The following PPP3CB variants were observed in gnomAD, a reference collection of about 807,000 sequenced individuals.
PPP3CB encodes the protein serine/threonine-protein phosphatase 2B catalytic subunit beta isoform.
PPP3CB carries 8 observed loss-of-function variants against 66.4 expected under a neutral mutation model. That is an observed-to-expected ratio of 0.12 (90% confidence interval 0.07 to 0.22). The LOEUF is 0.22. Ranked by LOEUF, PPP3CB falls within the 10% of genes least tolerant of loss-of-function variation. The pLI is 1.00. For synonymous variants in PPP3CB, 208 were observed against 221.2 expected, an observed-to-expected ratio of 0.94 and a Z score of 0.53; for missense variants, 319 against 642.5, an observed-to-expected ratio of 0.50 and a Z score of 5.44.
In PPP3CB at chr10:73,441,101, G is replaced by A. The variant is rs76711061; in HGVS notation, c.1367-1200C>T. 8.7e-3 allele frequency among the ~76,000 whole-genome samples: 1,317 copies of A among 152,214 alleles called. 12 individuals are homozygous for A. The highest frequency in any genetic ancestry group is 0.013 in the Non-Finnish European group (872 of 68,004). On this transcript the variant is annotated intron_variant, in intron 12 of 13. Transcript: ENST00000360663. ...GCCAATTAGAATAATTATTCCTGAA[G>A]TGATCTTTTAGCAATTAACATGATT...
chr10:73,486,832 G>C (rs1422934843), intron 1 of PPP3CB, among the ~76,000 whole-genome samples: 1 of 152,150 alleles, frequency 6.6e-6, no homozygotes, highest in Non-Finnish European at 1.5e-5. Flanking sequence ...CCTCCTTTGA[G>C]ATTCATGCCT....
chr10:73,470,603 A>G (rs1589703886), intron 8 of PPP3CB, 84 bp downstream of exon 8: 1 of 791,920 alleles, frequency 1.3e-6, no homozygotes. Context: ...ATAGTTTCAA[A>G]CAACACCCCT....
chr10:73,489,934 T>C (rs1168732801), intron 1 of PPP3CB, among the ~76,000 whole-genome samples: 4 of 152,174 alleles, frequency 2.6e-5, no homozygotes, highest in African/African-American at 9.7e-5. Flanking sequence ...TCAGTGACGC[T>C]TTCCCTCAAA....
chr10:73,445,764 T>TTC (rs1554821882), intron 11 of PPP3CB, among the ~76,000 whole-genome samples: 60 of 147,958 alleles, frequency 4.1e-4, no homozygotes, highest in African/African-American at 1.5e-3. Flanking sequence ...TTTTTTTTTT[T>TTC]CTGAGACAGA....
chr10:73,489,102 C>T (rs2057032436), intron 1 of PPP3CB, among the ~76,000 whole-genome samples: 1 of 152,144 alleles, frequency 6.6e-6, no homozygotes, highest in Non-Finnish European at 1.5e-5. Context: ...ACTACAATTG[C>T]CCAATTTAAT....
chr10:73,444,609 G>GAGAC, intron 12 of PPP3CB, 116 bp downstream of exon 12: 1 of 1,556,140 alleles, frequency 6.4e-7, no homozygotes, highest in African/African-American at 1.4e-5. Flanking sequence ...GTCAGCTGCT[G>GAGAC]AGACAGGAAC....
chr10:73,481,195 C>T (rs2056871561), intron 1 of PPP3CB, among the ~76,000 whole-genome samples: 2 of 147,222 alleles, frequency 1.4e-5, no homozygotes, highest in African/African-American at 5.0e-5. Flanking sequence ...AAAAATAGGC[C>T]GGGTGCAGTG....
chr10:73,446,256 C>T (rs112190711), intron 11 of PPP3CB, among the ~76,000 whole-genome samples: 5 of 151,740 alleles, frequency 3.3e-5, no homozygotes, highest in Admixed American at 1.3e-4. Flanking sequence ...CATGCCACCA[C>T]GCCCGGCTAA....
At chr10:73,454,379 TAAA>T in intron 10 of PPP3CB, 30 bp downstream of exon 10, 2 of 1,206,094 alleles carry the variant, frequency 1.7e-6, no homozygotes. Context: ...CATTTCACAG[TAAA>T]AAAAAAAATA....
chr10:73,493,560 T>C (rs529516810), intron 1 of PPP3CB, among the ~76,000 whole-genome samples: 7 of 152,214 alleles, frequency 4.6e-5, no homozygotes, highest in Admixed American at 3.3e-4. Context: ...AATTTCTGGA[T>C]CTGTAAGAAA....
chr10:73,462,786 C>T (rs899197131), intron 9 of PPP3CB, among the ~76,000 whole-genome samples: 4 of 151,334 alleles, frequency 2.6e-5, no homozygotes, highest in African/African-American at 7.3e-5. Context: ...CCTGTCTCTG[C>T]GACAAACACA....
rs1352293467 is a variant in PPP3CB at position 73,470,952 on chromosome 10, C to T, written c.822G>A (p.Val274=). 4 of 1,613,114 alleles carry T rather than the reference C, an allele frequency of 2.5e-6. No individual in the cohort carries two copies. Among genetic ancestry groups the T allele is most frequent in the Admixed American group, 3.3e-5 (2 of 59,946 alleles). Residue 274 remains valine (V), a synonymous_variant, in exon 7 of 14, where the codon GTG becomes GTA. Coordinates refer to ENST00000360663, the MANE Select transcript of PPP3CB (RefSeq NM_021132.4). ...AATTATTGTTTTGCAAAAATTCACACACTGCTGGATAGCTGTGGGGGAAAA... is the reference window on the plus strand; with the variant it reads ...AATTATTGTTTTGCAAAAATTCACATACTGCTGGATAGCTGTGGGGGAAAA... ...GCSYFYNYPA[V]CEFLQNNNLL... is the part of the protein sequence containing the mutation.
chr10:73,480,440 ATTTTTTTTTT>A (rs57553384), intron 1 of PPP3CB, among the ~76,000 whole-genome samples: 2 of 123,918 alleles, frequency 1.6e-5, no homozygotes, highest in South Asian at 5.5e-4. Context: ...TATCCCTGTA[ATTTTTTTTTT>A]TTTTTTTTTT....
chr10:73,492,128 G>A (rs1432711966), intron 1 of PPP3CB, among the ~76,000 whole-genome samples: 1 of 151,978 alleles, frequency 6.6e-6, no homozygotes, highest in Non-Finnish European at 1.5e-5. Flanking sequence ...AAATACTTTA[G>A]CTTAAAAAAA....
intron 10 of PPP3CB, among the ~76,000 whole-genome samples, chr10:73,452,087 C>T (rs2056355825): frequency 6.6e-6 from 1 of 151,988 alleles, no homozygotes; most frequent in Non-Finnish European, 1.5e-5. Context: ...AAAAACCTCC[C>T]TAGATTCAGA....
intron 3 of PPP3CB, among the ~76,000 whole-genome samples, chr10:73,478,059 T>C (rs961488143): frequency 1.3e-5 from 2 of 152,208 alleles, no homozygotes; most frequent in South Asian, 2.1e-4. Flanking sequence ...TAGGATATAC[T>C]TGAGTCTTAA....
At chr10:73,450,167 T>C (rs532904857) in intron 10 of PPP3CB, among the ~76,000 whole-genome samples, 1 of 152,306 alleles carries the variant, frequency 6.6e-6, no homozygotes, top group African/African-American at 2.4e-5. Flanking sequence ...TCCCGCTCTC[T>C]TTCCCCAAAG....
rs2057219971 is a variant in PPP3CB at position 73,495,927 on chromosome 10, G to T, written c.-38C>A. On this transcript the variant is annotated 5_prime_UTR_variant, in exon 1 of 14. Transcript: ENST00000360663. Reference sequence around the variant, plus strand: ...GCTCGGCTAGGCTCTGGGCCGGGCGGGGTTGGGGGCGGGGGCGGCGGCTAC... The same window carrying T: ...GCTCGGCTAGGCTCTGGGCCGGGCGTGGTTGGGGGCGGGGGCGGCGGCTAC... 1.9e-6 allele frequency: 2 copies of T among 1,074,604 alleles called. No individual in the cohort carries two copies. The highest frequency in any genetic ancestry group is 4.7e-5 in the South Asian group (1 of 21,394). The allele number at this position is 1,074,604 out of a possible 1,614,324, so 66.6% of individuals were successfully genotyped here.
At chr10:73,446,855 GA>G (rs984943510) in intron 10 of PPP3CB, among the ~76,000 whole-genome samples, 7 of 149,870 alleles carry the variant, frequency 4.7e-5, no homozygotes, top group South Asian at 2.1e-4. Context: ...CAGCAATGGG[GA>G]AAAAAAAACA....
Sources: gnomAD v4.1 joint callset for allele counts (sites outside exome capture counted in the v4.1 genomes callset) on GRCh38, gnomAD v4.1.1 for gene constraint, MANE v1.5 for transcripts, NCBI Gene and HGNC (gene_info 2026-07-23, HGNC 2026-07-21) for gene names.